Variants in ABTB3 observed in about 807,000 individuals in gnomAD.
ABTB3 encodes the protein ankyrin repeat- and BTB/POZ domain-containing protein 3.
the ABTB3 span, among the ~76,000 whole-genome samples, chr12:107,573,699 G>A: frequency 1.3e-5 from 2 of 152,352 alleles, no homozygotes; most frequent in East Asian, 3.9e-4. Context: ...TAGGTCAGCA[G>A]GCTGGAGACC....
At chr12:107,382,738 C>T in the ABTB3 span, among the ~76,000 whole-genome samples, 4 of 133,966 alleles carry the variant, frequency 3.0e-5, no homozygotes. Flanking sequence ...GGGAGGGGAA[C>T]ATCACACACT....
At chr12:107,391,403 G>A in the ABTB3 span, among the ~76,000 whole-genome samples, 1 of 152,102 alleles carries the variant, frequency 6.6e-6, no homozygotes, top group Non-Finnish European at 1.5e-5. Flanking sequence ...TAGAAGGGGG[G>A]TCTTTTTGGG....
the ABTB3 span, among the ~76,000 whole-genome samples, chr12:107,619,389 T>C: frequency 6.6e-6 from 1 of 152,172 alleles, no homozygotes; most frequent in South Asian, 2.1e-4. Context: ...GGAAATGTTG[T>C]TTTGCACAGA....
chr12:107,337,294 C>T, the ABTB3 span, among the ~76,000 whole-genome samples: 3 of 152,162 alleles, frequency 2.0e-5, no homozygotes, highest in Non-Finnish European at 2.9e-5. Flanking sequence ...GTCTAGTGGG[C>T]GATAGAAGTC....
chr12:107,491,683 C>A, the ABTB3 span, among the ~76,000 whole-genome samples: 3 of 152,084 alleles, frequency 2.0e-5, no homozygotes, highest in Non-Finnish European at 4.4e-5. Flanking sequence ...ATTAACTAGA[C>A]GTGGTGGCAT....
the ABTB3 span, among the ~76,000 whole-genome samples, chr12:107,416,546 G>T: frequency 0.01 from 1,592 of 152,250 alleles, 32 homozygotes; most frequent in African/African-American, 0.036. Context: ...TCACCTCCCT[G>T]TCTTACTTCT....
chr12:107,402,555 G>C, the ABTB3 span, among the ~76,000 whole-genome samples: 1 of 152,184 alleles, frequency 6.6e-6, no homozygotes, highest in Non-Finnish European at 1.5e-5. Flanking sequence ...ACGGCTACTG[G>C]CCTGCAAATG....
chr12:107,568,207 C>T, the ABTB3 span, among the ~76,000 whole-genome samples: 1 of 152,204 alleles, frequency 6.6e-6, no homozygotes, highest in South Asian at 2.1e-4. Context: ...GTTACTGAAT[C>T]TTGCCAAGCC....
the ABTB3 span, among the ~76,000 whole-genome samples, chr12:107,558,447 A>C: frequency 7.8e-4 from 119 of 152,310 alleles, 1 homozygote; most frequent in African/African-American, 2.6e-3. Context: ...CAGTAGTTAA[A>C]TATTTAGAAT....
chr12:107,469,961 T>C, the ABTB3 span, among the ~76,000 whole-genome samples: 4 of 74,992 alleles, frequency 5.3e-5, 1 homozygote, highest in African/African-American at 8.8e-5. Context: ...TCTTTCTTTC[T>C]TTCTTTCTTT....
the ABTB3 span, among the ~76,000 whole-genome samples, chr12:107,443,189 A>G: frequency 6.6e-6 from 1 of 152,184 alleles, no homozygotes; most frequent in Admixed American, 6.5e-5. Flanking sequence ...ATGTTCTATT[A>G]AAAATCTATA....
chr12:107,475,071 C>A, the ABTB3 span, among the ~76,000 whole-genome samples: 1 of 152,176 alleles, frequency 6.6e-6, no homozygotes, highest in African/African-American at 2.4e-5. Flanking sequence ...TTTAAGTGTG[C>A]ATCCTGTCTG....
the ABTB3 span, among the ~76,000 whole-genome samples, chr12:107,603,028 G>A: frequency 6.6e-6 from 1 of 152,212 alleles, no homozygotes; most frequent in Non-Finnish European, 1.5e-5. Flanking sequence ...GCCACTTGAA[G>A]GGAAAACCAT....
chr12:107,321,741 G>A, the ABTB3 span, among the ~76,000 whole-genome samples: 1 of 152,134 alleles, frequency 6.6e-6, no homozygotes, highest in Non-Finnish European at 1.5e-5. Flanking sequence ...CTTTGGACTG[G>A]ATTGCTCTTT....
the ABTB3 span, among the ~76,000 whole-genome samples, chr12:107,373,683 G>T: frequency 6.6e-6 from 1 of 152,160 alleles, no homozygotes. Context: ...AACTAAAATT[G>T]AGTCAGCTGG....
the ABTB3 span, among the ~76,000 whole-genome samples, chr12:107,612,219 T>C: frequency 6.6e-6 from 1 of 152,264 alleles, no homozygotes; most frequent in Non-Finnish European, 1.5e-5. Context: ...GAGTCATTGG[T>C]GCATCTGGTA....
the ABTB3 span, among the ~76,000 whole-genome samples, chr12:107,656,645 T>C: frequency 6.6e-6 from 1 of 152,278 alleles, no homozygotes. Flanking sequence ...ACAGTCACCA[T>C]TCAATAAATA....
At chr12:107,490,325 G>T in the ABTB3 span, among the ~76,000 whole-genome samples, 1 of 152,266 alleles carries the variant, frequency 6.6e-6, no homozygotes, top group African/African-American at 2.4e-5. Context: ...TCTGGTCCTG[G>T]TCAACAGCTC....
At chr12:107,532,027 ACTCCCCAGTACCTGAAAGCTTC>A in the ABTB3 span, among the ~76,000 whole-genome samples, 2 of 151,894 alleles carry the variant, frequency 1.3e-5, no homozygotes, top group Admixed American at 1.3e-4. Context: ...CAAAGCACAC[ACTCCCCAGTACCTGAAAGCTTC>A]CTGCCCCAGG....
Sources: gnomAD v4.1 joint callset for allele counts (sites outside exome capture counted in the v4.1 genomes callset) on GRCh38, gnomAD v4.1.1 for gene constraint, MANE v1.5 for transcripts, NCBI Gene and HGNC (gene_info 2026-07-23, HGNC 2026-07-21) for gene names.